The following MICALL1 variants were observed in gnomAD, a reference collection of about 807,000 sequenced individuals.
MICALL1 encodes the protein MICAL like 1, also known as MICAL-like protein 1.
Under a neutral mutation model 83.7 loss-of-function variants are expected in MICALL1, and 61 were observed. The observed-to-expected ratio is 0.73, with a 90% CI of 0.59 to 0.90. MICALL1 has a LOEUF of 0.90. Among genes scored for constraint, MICALL1 ranks in the 40% least tolerant of loss-of-function variants. The pLI is 0.00. For missense variants in MICALL1, 1,066 were observed against 1,152.0 expected, an observed-to-expected ratio of 0.93 and a Z score of 1.08; for synonymous variants, 481 against 473.6, an observed-to-expected ratio of 1.02 and a Z score of -0.20.
At position 37,919,177 on chromosome 22, in the gene MICALL1, C is replaced by G. The variant is rs768042506; in HGVS notation, c.568C>G (p.Arg190Gly). 6.5e-7 allele frequency: 1 copy of G among 1,530,758 alleles called. No individual in the cohort carries two copies. 94.8% of individuals were successfully genotyped at this position (1,530,758 alleles called of 1,614,324 possible). A position where few individuals can be genotyped will look rare whatever the true frequency, so the allele number is the denominator to read the frequency against. ...CAGGCTGTACCATCGCCACTGCTTC[C>G]GGTGAGTGGCCAGGGCCGCGTGTTA... ...DGRLYHRHCF[R>G]CRRCSSTLLP... The change falls in exon 5 of 16, where the codon CGG becomes GGG. Residue 190 changes from arginine (R) to glycine (G), a missense_variant and splice_region_variant. Physicochemically the swap from Arg to Gly is moderately radical, Grantham distance 125. Transcript: ENST00000215957.
intron 7 of MICALL1, among the ~76,000 whole-genome samples, chr22:37,925,333 C>T (rs1232943376): frequency 6.6e-6 from 1 of 152,108 alleles, no homozygotes; most frequent in African/African-American, 2.4e-5. Context: ...TATTAAGGTC[C>T]CCATTGAGTG....
rs1469269209 is a variant in MICALL1, at chr22:37,924,441, A to G, written c.1025-219A>G. Among the ~76,000 whole-genome samples the G allele has an allele frequency of 6.6e-6, 1 of 152,138 alleles. No homozygotes were observed. Among genetic ancestry groups the G allele is most frequent in the Non-Finnish European group, 1.5e-5 (1 of 68,006 alleles). On this transcript the variant is annotated intron_variant, in intron 6 of 15. Coordinates refer to ENST00000215957, the MANE Select transcript of MICALL1 (RefSeq NM_033386.4). This position sits in a 1 kb window ranked among gnomAD's most constrained non-coding sequence, Gnocchi z 5.2. ...CTGAGGGGATTTGGGTTTCTTCTCAAATGAAATGCAAACGGGGTCTCAGGT... is the reference window on the plus strand; with the variant it reads ...CTGAGGGGATTTGGGTTTCTTCTCAGATGAAATGCAAACGGGGTCTCAGGT...
At chr22:37,907,920 A>T (rs540076060) in intron 1 of MICALL1, among the ~76,000 whole-genome samples, 1 of 152,300 alleles carries the variant, frequency 6.6e-6, no homozygotes, top group Non-Finnish European at 1.5e-5. Flanking sequence ...GGATGGAGGA[A>T]AAGGGCACCA....
chr22:37,941,766 C>T lies in MICALL1; in HGVS notation c.*936C>T, dbSNP rs1341932154. 1 of 152,372 alleles carries T rather than the reference C, an allele frequency of 6.6e-6. No homozygotes were observed. Among genetic ancestry groups the T allele is most frequent in the East Asian group, 1.9e-4 (1 of 5,196 alleles). 9.4% of individuals were successfully genotyped at this position (152,372 alleles called of 1,614,324 possible). A position where few individuals can be genotyped will look rare whatever the true frequency, so the allele number is the denominator to read the frequency against. On this transcript the variant is annotated 3_prime_UTR_variant, in exon 16 of 16. Transcript: ENST00000215957. Reference sequence around the variant, plus strand: ...TGTTGTCTGTTCTTTCCCTGACTCCCTCCCACCGAAGGCCTGATGGCTACT... The same window carrying T: ...TGTTGTCTGTTCTTTCCCTGACTCCTTCCCACCGAAGGCCTGATGGCTACT...
In MICALL1 at chr22:37,925,988, C is replaced by T. The variant is rs374100412; in HGVS notation, c.1410C>T (p.Ser470=). ...CCTGGTACGGCATCACCCCTACCAG[C>T]AGCCCCAAGACAAAGAAGCGCCCTG... ...LHPWYGITPT[S]SPKTKKRPAP... Residue 470 remains serine (S), a synonymous_variant, in exon 8 of 16, where the codon AGC becomes AGT. Coordinates refer to ENST00000215957, the MANE Select transcript of MICALL1 (RefSeq NM_033386.4). 3.6e-5 allele frequency: 58 copies of T among 1,613,684 alleles called. No homozygotes were observed. The African/African-American group carries it at 7.3e-4, about 20-fold the overall frequency.
Position 37,931,947 on chromosome 22 carries a change from GC to G in MICALL1, c.2016+20del. On this transcript the variant is annotated intron_variant, in intron 10 of 15. Coordinates refer to ENST00000215957, the MANE Select transcript of MICALL1 (RefSeq NM_033386.4). ...ATCAAACGCAAGGTACCAGCTGGGA[GC>G]CCCCCGAGACCAGGCTGGCCTGGGC... The G allele has an allele frequency of 6.2e-7, 1 of 1,612,814 alleles. No individual in the cohort carries two copies.
chr22:37,907,383 C>G (rs907771085), intron 1 of MICALL1: 3 of 152,330 alleles, frequency 2.0e-5, no homozygotes, highest in Non-Finnish European at 4.4e-5. Flanking sequence ...CATTCAGACT[C>G]CCCGGAACAG....
intron 3 of MICALL1, among the ~76,000 whole-genome samples, chr22:37,912,844 G>T (rs565220321): frequency 6.6e-6 from 1 of 151,818 alleles, no homozygotes; most frequent in Non-Finnish European, 1.5e-5. Context: ...TGTGTCTTTA[G>T]TAGAGACAGG....
At chr22:37,920,650 A>G (rs7287320) in intron 5 of MICALL1, among the ~76,000 whole-genome samples, 8,264 of 151,916 alleles carry the variant, frequency 0.054, 751 homozygotes, top group African/African-American at 0.19. Flanking sequence ...GGCCAGGCGC[A>G]ATGGCTCATG....
At chr22:37,917,429 G>A (rs1038218328) in intron 3 of MICALL1, among the ~76,000 whole-genome samples, 4 of 152,186 alleles carry the variant, frequency 2.6e-5, no homozygotes, top group Admixed American at 1.3e-4. Context: ...TTCTGTGATC[G>A]TACTGTTGCG....
chr22:37,917,580 G>C, intron 3 of MICALL1, 127 bp from the exon 4 acceptor site: 1 of 794,258 alleles, frequency 1.3e-6, no homozygotes, highest in African/African-American at 1.7e-5. Flanking sequence ...GCCAGCTCCT[G>C]TCCCACTGCA....
chr22:37,922,541 G>A (rs1601818419), intron 6 of MICALL1, 115 bp downstream of exon 6: 1 of 635,386 alleles, frequency 1.6e-6, no homozygotes, highest in Non-Finnish European at 2.5e-6. Context: ...ATTGTGTGCT[G>A]TGCTGTGTTG....
Position 37,924,712 on chromosome 22 carries a change from C to T in MICALL1, c.1077C>T (p.Ser359=), listed in dbSNP as rs145525171. 37 of 1,612,272 alleles carry T rather than the reference C, an allele frequency of 2.3e-5. No homozygotes were observed. The highest frequency in any genetic ancestry group is 3.3e-4 in the Middle Eastern group (2 of 6,054). ...AGCCGAGGGGGACACCGAAGCCGTCCGAGGGGTATGTCGATCCCTGAGGGG... is the reference window on the plus strand; with the variant it reads ...AGCCGAGGGGGACACCGAAGCCGTCTGAGGGGTATGTCGATCCCTGAGGGG... ...VPKPRGTPKP[S]EGTPAPRKDP... is the part of the protein sequence containing the mutation. Residue 359 remains serine, a synonymous_variant, in exon 7 of 16, where the codon TCC becomes TCT. Coordinates refer to ENST00000215957, the MANE Select transcript of MICALL1 (RefSeq NM_033386.4). This position sits in a 1 kb window ranked among gnomAD's most constrained non-coding sequence, Gnocchi z 5.2.
intron 3 of MICALL1, among the ~76,000 whole-genome samples, chr22:37,912,964 CTTT>C (rs759798391): frequency 1.5e-5 from 2 of 135,388 alleles, no homozygotes; most frequent in Non-Finnish European, 1.6e-5. Flanking sequence ...CCCAGTCCCA[CTTT>C]TTTTTTTTTT....
chr22:37,908,263 A>C (rs1466489071), intron 1 of MICALL1, among the ~76,000 whole-genome samples: 1 of 151,542 alleles, frequency 6.6e-6, no homozygotes, highest in East Asian at 1.9e-4. Context: ...ATTTAACATT[A>C]GTTACTGTGA....
chr22:37,934,761 T>A (rs1348121686), intron 13 of MICALL1, among the ~76,000 whole-genome samples: 1 of 150,600 alleles, frequency 6.6e-6, no homozygotes, highest in African/African-American at 2.4e-5. Flanking sequence ...CACGCCCGGC[T>A]AATTTTTTGT....
chr22:37,925,704 C>T lies in MICALL1; in HGVS notation c.1126C>T (p.Gln376Ter), dbSNP rs746057680. 1 of 1,610,564 alleles carries T rather than the reference C, an allele frequency of 6.2e-7. No homozygotes were observed. The highest frequency in any genetic ancestry group is 2.2e-5 in the East Asian group (1 of 44,818). The change falls in exon 8 of 16, where the codon CAG becomes TAG. Residue 376 changes from glutamine to a stop codon, truncating the protein, a stop_gained. Coordinates refer to ENST00000215957, the MANE Select transcript of MICALL1 (RefSeq NM_033386.4). LOFTEE classifies it high-confidence loss of function. ...GGACCCCCCATGGATCACGCTGGTG[C>T]AGGCAGAACCAAAGAAGAAGCCAGC... ...RKDPPWITLVQAEPKKKPAPL... is the reference protein window; with the variant it reads ...RKDPPWITLV
chr22:37,937,684 A>G, intron 14 of MICALL1, 62 bp from the exon 15 acceptor site: 2 of 1,583,094 alleles, frequency 1.3e-6, no homozygotes, highest in Non-Finnish European at 1.7e-6. Flanking sequence ...TTGGCCTCCC[A>G]AAGTGCTGGG....
rs56287588 is a variant in MICALL1 at position 37,931,953 on chromosome 22, C to T, written c.2016+20C>T. ...CGCAAGGTACCAGCTGGGAGCCCCC[C>T]GAGACCAGGCTGGCCTGGGCTGGCA... On this transcript the variant is annotated intron_variant, in intron 10 of 15. Coordinates refer to ENST00000215957, the MANE Select transcript of MICALL1 (RefSeq NM_033386.4). 439 of 1,611,848 alleles carry T rather than the reference C, an allele frequency of 2.7e-4. No individual in the cohort carries two copies. The highest frequency in any genetic ancestry group is 3.5e-4 in the Non-Finnish European group (413 of 1,179,224).
Sources: allele counts gnomAD v4.1 joint callset (sites outside exome capture counted in the v4.1 genomes callset), GRCh38; gene constraint gnomAD v4.1.1; non-coding constraint Gnocchi (gnomAD v3.1); transcripts MANE v1.5; gene names NCBI Gene and HGNC (gene_info 2026-07-23, HGNC 2026-07-21).